ADAM22: variants seen among roughly 807,000 people sequenced by gnomAD.
ADAM22 encodes disintegrin and metalloproteinase domain-containing protein 22.
ADAM22 carries 65 observed loss-of-function variants against 144.6 expected under a neutral mutation model. The ratio of observed to expected loss-of-function variants is 0.45; its 90% CI spans 0.37 to 0.55. ADAM22 has a LOEUF of 0.55. Ranked by LOEUF, ADAM22 falls within the 20% of genes least tolerant of loss-of-function variation. The pLI is 0.00. For synonymous variants in ADAM22, 391 were observed against 412.6 expected (o/e 0.95, Z 0.63); for missense variants, 974 against 1,184.9 (o/e 0.82, Z 2.61).
At chr7:88,037,977 G>GT (rs1801925165) in intron 3 of ADAM22, among the ~76,000 whole-genome samples, 2 of 152,134 alleles carry the variant, frequency 1.3e-5, no homozygotes, top group Non-Finnish European at 2.9e-5. Flanking sequence ...CTCATAAGCA[G>GT]TTTTTTGTAC....
intron 3 of ADAM22, among the ~76,000 whole-genome samples, chr7:88,036,841 A>T (rs1217732527): frequency 6.6e-6 from 1 of 152,098 alleles, no homozygotes; most frequent in African/African-American, 2.4e-5. Flanking sequence ...ATGTAATCTT[A>T]CCATTTGAAG....
chr7:88,155,963 A>G lies in ADAM22; in HGVS notation c.1864A>G (p.Thr622Ala). Residue 622 changes from threonine to alanine, a missense_variant, in exon 22 of 32, where the codon ACA becomes GCA. Transcript: ENST00000413139. ...PRLGELDGEI[T>A]STLVVQQGRT... ...GCTTGGAGAACTCGATGGTGAAATC[A>G]CATCTACTTTAGTTGTGCAGCAAGG... is the stretch of plus-strand genomic sequence containing the variant. The G allele has an allele frequency of 6.2e-7, 1 of 1,613,454 alleles. No homozygotes were observed. The highest frequency in any genetic ancestry group is 1.3e-5 in the African/African-American group (1 of 74,990).
At position 87,934,359 on chromosome 7, in the gene ADAM22, T is replaced by C; in HGVS notation, c.-107T>C. The C allele has an allele frequency of 9.4e-7, 1 of 1,060,556 alleles. No homozygotes were observed. The highest frequency in any genetic ancestry group is 1.5e-5 in the South Asian group (1 of 65,994). 65.7% of individuals were successfully genotyped at this position (1,060,556 alleles called of 1,614,324 possible). ...CGCCGCAGCACCGGCCGGGGCTGGG[T>C]GGAGGTGGCCGCGGGGACCCCGGGG... On this transcript the variant is annotated 5_prime_UTR_variant, in exon 1 of 32. Transcript: ENST00000413139.
intron 3 of ADAM22, among the ~76,000 whole-genome samples, chr7:88,019,915 C>T: frequency 6.8e-6 from 1 of 146,140 alleles, no homozygotes; most frequent in African/African-American, 2.5e-5. Context: ...AGATGTATTT[C>T]TTAAAAATAA....
At chr7:88,125,963 G>A (rs1432193200) in intron 8 of ADAM22, among the ~76,000 whole-genome samples, 3 of 151,918 alleles carry the variant, frequency 2.0e-5, no homozygotes, top group African/African-American at 2.4e-5. Flanking sequence ...GCCCAGATAT[G>A]TACCACATCG....
chr7:87,966,723 T>TTTTTG (rs1849150161), intron 2 of ADAM22, among the ~76,000 whole-genome samples: 1 of 88,498 alleles, frequency 1.1e-5, no homozygotes, highest in Non-Finnish European at 2.4e-5. Flanking sequence ...GGAAAGCCGT[T>TTTTTG]TTTTTTTTTT....
At chr7:88,161,552 C>A (rs1314227060) in intron 22 of ADAM22, among the ~76,000 whole-genome samples, 2 of 151,984 alleles carry the variant, frequency 1.3e-5, no homozygotes, top group African/African-American at 4.8e-5. Context: ...TGGGAAAATT[C>A]TTTTGTAAAC....
chr7:88,151,200 G>C, intron 19 of ADAM22, 57 bp from the exon 20 acceptor site: 1 of 1,601,994 alleles, frequency 6.2e-7, no homozygotes, highest in African/African-American at 1.3e-5. Context: ...TTCTTTTTCA[G>C]TTATCTGACA....
At chr7:88,113,743 A>G (rs1196366493) in intron 5 of ADAM22, among the ~76,000 whole-genome samples, 1 of 47,274 alleles carries the variant, frequency 2.1e-5, no homozygotes, top group African/African-American at 7.2e-5. Flanking sequence ...TATATATAGT[A>G]AGTCCTAGAA....
chr7:88,193,328 C>T, intron 31 of ADAM22, 89 bp downstream of exon 31: 2 of 1,394,900 alleles, frequency 1.4e-6, no homozygotes, highest in Non-Finnish European at 1.9e-6. Context: ...ACCATTTTTC[C>T]TCCCTTGTTC....
In ADAM22 at chr7:88,143,137, G is replaced by A. The variant is rs758927298; in HGVS notation, c.1320+12G>A. On this transcript the variant is annotated intron_variant, in intron 15 of 31. Coordinates refer to ENST00000413139, the MANE Select transcript of ADAM22 (RefSeq NM_001324418.2). ...ACAAACCTTCTAAGGTAATAAGTGT[G>A]GTTAATAAGGTTTATAATATTAATT... 5.4e-6 allele frequency: 8 copies of A among 1,487,816 alleles called. No homozygotes were observed. The highest frequency in any genetic ancestry group is 5.6e-6 in the Non-Finnish European group (6 of 1,071,714). 92.2% of individuals were successfully genotyped at this position (1,487,816 alleles called of 1,614,324 possible).
rs1045968979 is a variant in ADAM22, at chr7:88,039,422, A to G, written c.324-36204A>G. Among the ~76,000 whole-genome samples the G allele has an allele frequency of 1.2e-4, 16 of 136,056 alleles. No homozygotes were observed. In the South Asian group the frequency reaches 4.1e-3, roughly 35 times the overall value. 89.3% of individuals were successfully genotyped at this position (136,056 alleles called of 152,430 possible). A position where few individuals can be genotyped will look rare whatever the true frequency, so the allele number is the denominator to read the frequency against. ...GCACCACTGCACTCCAGCCTGGGCA[A>G]CAGGGCAACAGAGCGAGATTCTGTC... On this transcript the variant is annotated intron_variant, in intron 3 of 31. Transcript: ENST00000413139.
intron 3 of ADAM22, among the ~76,000 whole-genome samples, chr7:87,982,072 C>CAA (rs1562914290): frequency 8.4e-6 from 1 of 119,496 alleles, no homozygotes; most frequent in Non-Finnish European, 1.6e-5. Flanking sequence ...TATATATACA[C>CAA]ACACACACAC....
chr7:88,155,002 AAGAT>A (rs1224891957), intron 21 of ADAM22, among the ~76,000 whole-genome samples: 4 of 152,158 alleles, frequency 2.6e-5, no homozygotes, highest in African/African-American at 9.6e-5. Flanking sequence ...AATAATATGT[AAGAT>A]AGTATTAACA....
chr7:87,955,004 C>T (rs1243874570), intron 2 of ADAM22, among the ~76,000 whole-genome samples: 1 of 152,312 alleles, frequency 6.6e-6, no homozygotes, highest in South Asian at 2.1e-4. Flanking sequence ...TTAAGCACTT[C>T]TCTGTATTGG....
In ADAM22 at chr7:88,178,955, A is replaced by G; in HGVS notation, c.2321A>G (p.Tyr774Cys). ...CTTAGACAGTTACCCCAGGGAGATTATGTAAAAAAGCCTGGAGATGGTGAC... is the reference window on the plus strand; with the variant it reads ...CTTAGACAGTTACCCCAGGGAGATTGTGTAAAAAAGCCTGGAGATGGTGAC... ...REQRQLPQGD[Y>C]VKKPGDGDSF... is the part of the protein sequence containing the mutation. The change falls in exon 27 of 32, where the codon TAT (tyrosine) becomes TGT (cysteine). Residue 774 changes from tyrosine to cysteine, a missense_variant. Around this residue, in one of 2 missense-constraint regions of ADAM22, gnomAD observed 734 missense variants for 950.6 expected, o/e 0.77. Transcript: ENST00000413139. The G allele has an allele frequency of 5.0e-6, 8 of 1,611,264 alleles. No homozygotes were observed. The highest frequency in any genetic ancestry group is 6.8e-6 in the Non-Finnish European group (8 of 1,178,804).
chr7:88,083,587 T>TTGTGTGTGTGTGTGTGTG (rs35145003), intron 4 of ADAM22, among the ~76,000 whole-genome samples: 11 of 126,662 alleles, frequency 8.7e-5, no homozygotes, highest in African/African-American at 3.3e-4. Context: ...TACTTTGTGT[T>TTGTGTGTGTGTGTGTGTG]TGTGTGTGTG....
chr7:88,139,125 A>C (rs1563304010), intron 14 of ADAM22, among the ~76,000 whole-genome samples: 1 of 152,148 alleles, frequency 6.6e-6, no homozygotes, highest in African/African-American at 2.4e-5. Flanking sequence ...TAGGATAAAG[A>C]GGGACTTTGG....
rs1318953917 is a variant in ADAM22, at chr7:88,024,874, C to T, written c.323+46462C>T. On this transcript the variant is annotated intron_variant, in intron 3 of 31. Coordinates refer to ENST00000413139, the MANE Select transcript of ADAM22 (RefSeq NM_001324418.2). ...CCTTCATCCATGTCCCTACAAAGGA[C>T]ATGAACTCATCATTTTTTATGGCTA... Among the ~76,000 whole-genome samples the T allele has an allele frequency of 2.6e-5, 4 of 152,270 alleles. No individual in the cohort carries two copies. The East Asian group carries it at 7.7e-4, about 29-fold the overall frequency.
Sources: allele counts gnomAD v4.1 joint callset (sites outside exome capture counted in the v4.1 genomes callset), GRCh38; gene constraint gnomAD v4.1.1; regional missense constraint gnomAD v4.1.1; transcripts MANE v1.5; gene names NCBI Gene and HGNC (gene_info 2026-07-23, HGNC 2026-07-21).